Variants in MAP2K3 observed in about 807,000 individuals in gnomAD.
The protein encoded by MAP2K3 is dual specificity mitogen-activated protein kinase kinase 3.
Under a neutral mutation model 46.4 loss-of-function variants are expected in MAP2K3, and 30 were observed. The observed-to-expected ratio is 0.65, with a 90% CI of 0.48 to 0.88. The LOEUF (loss-of-function observed/expected upper bound fraction) is 0.88. Among genes scored for constraint, MAP2K3 ranks in the 40% least tolerant of loss-of-function variants. MAP2K3 has a pLI of 0.00. For synonymous variants in MAP2K3, 189 were observed against 176.3 expected (o/e 1.07, Z -0.57); for missense variants, 380 against 464.5 (o/e 0.82, Z 1.67).
At chr17:21,293,437 G>A (rs1260792769) in intron 1 of MAP2K3, among the ~76,000 whole-genome samples, 2 of 152,310 alleles carry the variant, frequency 1.3e-5, no homozygotes, top group Non-Finnish European at 2.9e-5. Flanking sequence ...GGCATTGGGC[G>A]GGAGGACCCT....
chr17:21,307,441 G>A (rs1214752557), intron 9 of MAP2K3, among the ~76,000 whole-genome samples: 3 of 152,222 alleles, frequency 2.0e-5, no homozygotes, highest in Admixed American at 6.5e-5. Context: ...CCTCTGCAAG[G>A]AGGGCACCCT....
chr17:21,295,672 C>T (rs372334082), intron 1 of MAP2K3: 5 of 1,289,372 alleles, frequency 3.9e-6, no homozygotes, highest in South Asian at 3.7e-5. Context: ...GTGTCCCCAA[C>T]AGGCCGGTGG....
intron 1 of MAP2K3, among the ~76,000 whole-genome samples, chr17:21,289,757 A>G (rs1975831217): frequency 6.6e-6 from 1 of 152,228 alleles, no homozygotes. Flanking sequence ...GGCCCCTTGC[A>G]GCTTCCAGAT....
At chr17:21,295,540 G>T in intron 1 of MAP2K3, 1 of 1,227,604 alleles carries the variant, frequency 8.1e-7, no homozygotes. Flanking sequence ...TCTGGGCCCA[G>T]CTCTGACGTC....
chr17:21,295,312 A>G (rs867242288), intron 1 of MAP2K3, among the ~76,000 whole-genome samples: 1,394 of 151,818 alleles, frequency 9.2e-3, no homozygotes, highest in African/African-American at 0.031. Context: ...GTGTAGCCTC[A>G]GGTCAGTGGC....
intron 9 of MAP2K3, among the ~76,000 whole-genome samples, chr17:21,310,341 T>C (rs1445838706): frequency 1.2e-4 from 18 of 152,312 alleles, no homozygotes; most frequent in Admixed American, 6.5e-4. Context: ...CTCCTGTATG[T>C]ATCCCTTCCA....
At chr17:21,293,129 G>A (rs149791865) in intron 1 of MAP2K3, among the ~76,000 whole-genome samples, 843 of 150,680 alleles carry the variant, frequency 5.6e-3, no homozygotes, top group Middle Eastern at 0.014. Flanking sequence ...GCTGCTCAAC[G>A]TGGAATTTCT....
At position 21,311,465 on chromosome 17, in the gene MAP2K3, C is replaced by G. The variant is rs2925941; in HGVS notation, c.775-677C>G. Among the ~76,000 whole-genome samples, 18 of 152,168 alleles carry G rather than the reference C, an allele frequency of 1.2e-4. No homozygotes were observed. In the East Asian group the frequency reaches 1.7e-3, roughly 15 times the overall value. On this transcript the variant is annotated intron_variant, in intron 9 of 11. Transcript: ENST00000342679. The stretch of plus-strand genomic sequence containing the variant: ...GATGTCACCCACAGGAAATCTGGAT[C>G]CAGCAGGGCACATGTGGCCACACAG...
chr17:21,299,142 G>A (rs1329373004), intron 3 of MAP2K3, among the ~76,000 whole-genome samples: 2 of 152,310 alleles, frequency 1.3e-5, no homozygotes, highest in Admixed American at 1.3e-4. Context: ...TGCCTGACTG[G>A]AGCTTGGCGA....
intron 1 of MAP2K3, 97 bp downstream of exon 1, chr17:21,285,066 C>T (rs1597794968): frequency 7.5e-6 from 11 of 1,476,046 alleles, no homozygotes; most frequent in Admixed American, 4.2e-5. Flanking sequence ...CCATCCTGTT[C>T]TCGACCTGGC....
Position 21,299,681 on chromosome 17 carries a change from CAAAAA to C in MAP2K3, c.165+769_165+773del, listed in dbSNP as rs68190120. On this transcript the variant is annotated intron_variant, in intron 3 of 11. Transcript: ENST00000342679. ...TGGGTGACGGAGTGAGACCCCGTTT[CAAAAA>C]AAAAAAAAAAAAAGAGCTGGGCACG... 1.8e-3 allele frequency among the ~76,000 whole-genome samples: 236 copies of C among 132,612 alleles called. No homozygotes were observed. In the East Asian group the frequency reaches 0.026, roughly 15 times the overall value. 87.0% of individuals were successfully genotyped at this position (132,612 alleles called of 152,430 possible). A position where few individuals can be genotyped will look rare whatever the true frequency, so the allele number is the denominator to read the frequency against.
intron 1 of MAP2K3, among the ~76,000 whole-genome samples, chr17:21,286,092 T>C (rs747827501): frequency 5.3e-5 from 8 of 152,152 alleles, no homozygotes; most frequent in Non-Finnish European, 1.2e-4. Context: ...TTCTGTAAAT[T>C]GGAAGTAATC....
At chr17:21,313,432 C>T (rs1977255797) in intron 10 of MAP2K3, 60 bp from the exon 11 acceptor site, 12 of 1,496,850 alleles carry the variant, frequency 8.0e-6, no homozygotes, top group Non-Finnish European at 1.1e-5. Flanking sequence ...GTTTGGCTGG[C>T]CCTTGGGGGC....
intron 1 of MAP2K3, among the ~76,000 whole-genome samples, chr17:21,295,030 C>T (rs1023103632): frequency 2.0e-5 from 3 of 152,306 alleles, no homozygotes; most frequent in Admixed American, 1.3e-4. Flanking sequence ...CAGGGAGAGC[C>T]GGTCACTGGG....
In MAP2K3 at chr17:21,303,164, C is replaced by T; in HGVS notation, c.517-19C>T. On this transcript the variant is annotated intron_variant, in intron 6 of 11. Coordinates refer to ENST00000342679, the MANE Select transcript of MAP2K3 (RefSeq NM_145109.3). ...ATAACAGAGTCCTGTCTCTTCCCTC[C>T]TCCCCACCCCACCGCCAGATCGTGC... 1 of 1,614,176 alleles carries T rather than the reference C, an allele frequency of 6.2e-7. No individual in the cohort carries two copies. Among genetic ancestry groups the T allele is most frequent in the Non-Finnish European group, 8.5e-7 (1 of 1,180,010 alleles).
intron 3 of MAP2K3, 130 bp downstream of exon 3, chr17:21,299,056 T>A: frequency 7.2e-7 from 1 of 1,390,784 alleles, no homozygotes; most frequent in South Asian, 1.2e-5. Context: ...GAGAAGAGCC[T>A]CGTCCTGCGC....
At chr17:21,286,669 G>C (rs1975731968) in intron 1 of MAP2K3, among the ~76,000 whole-genome samples, 1 of 152,230 alleles carries the variant, frequency 6.6e-6, no homozygotes, top group South Asian at 2.1e-4. Flanking sequence ...GTTTGTTTTG[G>C]AGGCTTTTTA....
At chr17:21,289,197 C>T (rs575149182) in intron 1 of MAP2K3, among the ~76,000 whole-genome samples, 2 of 152,216 alleles carry the variant, frequency 1.3e-5, no homozygotes, top group Non-Finnish European at 2.9e-5. Context: ...TGGTCCCCAA[C>T]GTGGGGCTGG....
chr17:21,310,307 C>A (rs146646568), intron 9 of MAP2K3, among the ~76,000 whole-genome samples: 5 of 152,330 alleles, frequency 3.3e-5, no homozygotes, highest in Admixed American at 1.3e-4. Flanking sequence ...CCGCACCTGG[C>A]CAATTTCTCT....
Sources: gnomAD v4.1 joint callset for allele counts (sites outside exome capture counted in the v4.1 genomes callset) on GRCh38, gnomAD v4.1.1 for gene constraint, MANE v1.5 for transcripts, NCBI Gene and HGNC (gene_info 2026-07-23, HGNC 2026-07-21) for gene names.